ZNF469: variants seen among roughly 807,000 people sequenced by gnomAD.
ZNF469 encodes zinc finger protein 469.
ZNF469 carries 1 observed loss-of-function variant against 1.0 expected under a neutral mutation model. The observed-to-expected ratio is 1.00, with a 90% CI of 0.35 to 4.73. ZNF469 has a LOEUF of 4.73. Among genes scored for constraint, ZNF469 ranks in the 30% most tolerant of loss-of-function variants. ZNF469 has a pLI of 0.16. For missense variants in ZNF469, 6,100 were observed against 5,356.3 expected (o/e 1.14, Z -4.33); for synonymous variants, 2,703 against 2,363.4 (o/e 1.14, Z -4.17).
the ZNF469 span, among the ~76,000 whole-genome samples, chr16:88,159,358 T>G: frequency 6.6e-6 from 1 of 152,128 alleles, no homozygotes; most frequent in Admixed American, 6.5e-5. Flanking sequence ...CCGTGCAGTG[T>G]GCAGCACCCC....
At chr16:88,166,144 T>A in the ZNF469 span, among the ~76,000 whole-genome samples, 1 of 152,222 alleles carries the variant, frequency 6.6e-6, no homozygotes, top group African/African-American at 2.4e-5. The surrounding 1 kb of genome is among the most constrained non-coding windows in gnomAD (Gnocchi z 4.5). Context: ...TCATTCTCTT[T>A]TCCAGCATTT....
At chr16:88,122,681 G>A in the ZNF469 span, among the ~76,000 whole-genome samples, 2 of 152,174 alleles carry the variant, frequency 1.3e-5, no homozygotes, top group African/African-American at 2.4e-5. Context: ...GTTTGGTCAG[G>A]AGCTGGAGGA....
At chr16:88,264,503 C>G in the ZNF469 span, among the ~76,000 whole-genome samples, 1 of 149,990 alleles carries the variant, frequency 6.7e-6, no homozygotes, top group African/African-American at 2.5e-5. Flanking sequence ...TGTGCATGTT[C>G]ACAGAGCCAT....
At chr16:88,367,038 T>C in the ZNF469 span, among the ~76,000 whole-genome samples, 1 of 152,124 alleles carries the variant, frequency 6.6e-6, no homozygotes, top group Admixed American at 6.5e-5. Context: ...ATCATCACCA[T>C]TGTCTTCATC....
At chr16:88,226,844 G>A in the ZNF469 span, among the ~76,000 whole-genome samples, 1 of 151,728 alleles carries the variant, frequency 6.6e-6, no homozygotes, top group South Asian at 2.1e-4. Flanking sequence ...GTTAAGAAGT[G>A]TGGGTTCCAA....
the ZNF469 span, among the ~76,000 whole-genome samples, chr16:88,252,766 A>C: frequency 4.5e-4 from 69 of 152,278 alleles, no homozygotes; most frequent in African/African-American, 1.6e-3. Context: ...TGATTTGATG[A>C]GTTTTGACAA....
chr16:88,277,741 T>C, the ZNF469 span, among the ~76,000 whole-genome samples: 1 of 72,778 alleles, frequency 1.4e-5, no homozygotes, highest in African/African-American at 4.9e-5. Flanking sequence ...TAGATATCAT[T>C]AGTGCTGTGC....
chr16:88,219,641 C>T, the ZNF469 span, among the ~76,000 whole-genome samples: 1 of 151,750 alleles, frequency 6.6e-6, no homozygotes, highest in East Asian at 1.9e-4. Flanking sequence ...AAGACTTAAA[C>T]ATTAGACCTA....
the ZNF469 span, among the ~76,000 whole-genome samples, chr16:88,182,130 C>G: frequency 6.6e-6 from 1 of 152,118 alleles, no homozygotes; most frequent in Admixed American, 6.5e-5. Flanking sequence ...TTCACCATAA[C>G]ATCACAAACA....
At chr16:88,133,958 G>C in the ZNF469 span, among the ~76,000 whole-genome samples, 3 of 152,174 alleles carry the variant, frequency 2.0e-5, no homozygotes, top group Non-Finnish European at 2.9e-5. Context: ...AGCTGAGCAT[G>C]GTGGTGGGCG....
At chr16:88,196,118 G>A in the ZNF469 span, among the ~76,000 whole-genome samples, 1 of 152,230 alleles carries the variant, frequency 6.6e-6, no homozygotes, top group Non-Finnish European at 1.5e-5. Flanking sequence ...TCGCCTTTCT[G>A]TGTGTAGGTG....
chr16:88,365,830 A>T, the ZNF469 span, among the ~76,000 whole-genome samples: 1 of 152,096 alleles, frequency 6.6e-6, no homozygotes, highest in Non-Finnish European at 1.5e-5. Context: ...ATCATGGCAG[A>T]GGCAATGCCG....
chr16:88,233,153 G>A, the ZNF469 span, among the ~76,000 whole-genome samples: 38 of 152,356 alleles, frequency 2.5e-4, no homozygotes, highest in Admixed American at 5.9e-4. Flanking sequence ...GTGAAGGCTG[G>A]ATGAACCGCT....
At chr16:88,243,586 A>AC in the ZNF469 span, among the ~76,000 whole-genome samples, 2 of 151,976 alleles carry the variant, frequency 1.3e-5, no homozygotes, top group East Asian at 3.9e-4. Context: ...CTTCAACCCC[A>AC]TGGTCCCTGC....
the ZNF469 span, among the ~76,000 whole-genome samples, chr16:88,306,179 T>A: frequency 6.6e-6 from 1 of 152,248 alleles, no homozygotes; most frequent in African/African-American, 2.4e-5. Context: ...GTCCATGGTT[T>A]ACTAATGATG....
chr16:88,433,789 G>A lies in ZNF469; in HGVS notation c.6319G>A (p.Val2107Ile). Residue 2107 changes from valine (V) to isoleucine (I), a missense_variant, in exon 3 of 3, where the codon GTC becomes ATC. Physicochemically the swap from Val to Ile is conservative, Grantham distance 29. Transcript: ENST00000565624. ...CACAGGGGATAGCCCAGCACCCTCTGTCGGGGACCTGGCCGCCTGCGCCCC... is the reference window on the plus strand; with the variant it reads ...CACAGGGGATAGCCCAGCACCCTCTATCGGGGACCTGGCCGCCTGCGCCCC... ...LATGDSPAPS[V>I]GDLAACAPSP... is the part of the protein sequence containing the mutation. 1.3e-6 allele frequency: 2 copies of A among 1,549,686 alleles called. No individual in the cohort carries two copies. The highest frequency in any genetic ancestry group is 1.7e-6 in the Non-Finnish European group (2 of 1,146,860).
the ZNF469 span, among the ~76,000 whole-genome samples, chr16:88,115,342 G>C: frequency 6.6e-6 from 1 of 151,748 alleles, no homozygotes; most frequent in Admixed American, 6.6e-5. Flanking sequence ...AAAGCTTTAG[G>C]AAGACAAGTA....
chr16:88,156,940 T>G, the ZNF469 span, among the ~76,000 whole-genome samples: 1 of 152,128 alleles, frequency 6.6e-6, no homozygotes, highest in Non-Finnish European at 1.5e-5. Context: ...TGATCTCAGG[T>G]GAGGGGCAGG....
chr16:88,404,798 C>T (rs533812524), intron 1 of ZNF469, among the ~76,000 whole-genome samples: 160 of 152,238 alleles, frequency 1.1e-3, no homozygotes, highest in African/African-American at 3.3e-3. Context: ...AGTGCAGACG[C>T]ACAGCAGACC....
Sources: allele counts gnomAD v4.1 joint callset (sites outside exome capture counted in the v4.1 genomes callset), GRCh38; gene constraint gnomAD v4.1.1; non-coding constraint Gnocchi (gnomAD v3.1); transcripts MANE v1.5; gene names NCBI Gene and HGNC (gene_info 2026-07-23, HGNC 2026-07-21).